NAV2: variants seen among roughly 807,000 people sequenced by gnomAD.
The protein encoded by NAV2 is neuron navigator 2, also known as helicase, APC down-regulated 1.
Under a neutral mutation model 223.2 loss-of-function variants are expected in NAV2, and 54 were observed. That is an observed-to-expected ratio of 0.24 (90% CI 0.19 to 0.30). The LOEUF (loss-of-function observed/expected upper bound fraction) is 0.30, where lower values mean the gene tolerates loss of function less well. Ranked by LOEUF, NAV2 falls within the 10% of genes least tolerant of loss-of-function variation. The pLI, the probability that NAV2 is intolerant of heterozygous loss-of-function variation, is 1.00. For missense variants in NAV2, 2,806 were observed against 3,147.5 expected (o/e 0.89, Z 2.60); for synonymous variants, 1,279 against 1,239.3 (o/e 1.03, Z -0.67).
At chr11:19,412,280 C>T (rs1442430493) in intron 1 of NAV2, among the ~76,000 whole-genome samples, 4 of 152,154 alleles carry the variant, frequency 2.6e-5, no homozygotes, top group Non-Finnish European at 5.9e-5. Context: ...AGGCGGTTTT[C>T]CCCTCACAGT....
intron 1 of NAV2, among the ~76,000 whole-genome samples, chr11:19,380,906 T>C (rs1277797018): frequency 6.6e-6 from 1 of 152,218 alleles, no homozygotes; most frequent in Non-Finnish European, 1.5e-5. Context: ...CAAACCAGGC[T>C]GAGCTTTCCA....
At chr11:19,685,337 C>G (rs1312870523) in intron 1 of NAV2, among the ~76,000 whole-genome samples, 1 of 152,128 alleles carries the variant, frequency 6.6e-6, no homozygotes, top group Non-Finnish European at 1.5e-5. Flanking sequence ...GAAGAAGCCT[C>G]GAAGACTTCC....
chr11:20,118,339 C>A lies in NAV2; in HGVS notation c.*81C>A. 5 of 1,501,464 alleles carry A rather than the reference C, an allele frequency of 3.3e-6. No homozygotes were observed. The South Asian group carries it at 4.7e-5, about 14-fold the overall frequency. 93.0% of individuals were successfully genotyped at this position (1,501,464 alleles called of 1,614,324 possible). A position where few individuals can be genotyped will look rare whatever the true frequency, so the allele number is the denominator to read the frequency against. On this transcript the variant is annotated 3_prime_UTR_variant, in exon 38 of 38. Transcript: ENST00000349880. ...CCCCACATCACCCTGAAGATGACTT[C>A]CTGAGCCAGCCCCCAGCCACAGCCT...
chr11:20,045,727 T>C, intron 14 of NAV2, 57 bp downstream of exon 14: 1 of 1,393,374 alleles, frequency 7.2e-7, no homozygotes, highest in Non-Finnish European at 9.9e-7. Context: ...ATGGATTTAG[T>C]AATTTCCTGT....
intron 3 of NAV2, among the ~76,000 whole-genome samples, chr11:19,849,588 C>G (rs1010803764): frequency 3.9e-5 from 6 of 152,230 alleles, no homozygotes; most frequent in Non-Finnish European, 5.9e-5. Flanking sequence ...GCCCAGTGAC[C>G]TTGAGCCCTC....
chr11:19,794,289 C>T (rs985199962), intron 1 of NAV2, among the ~76,000 whole-genome samples: 1 of 152,172 alleles, frequency 6.6e-6, no homozygotes, highest in African/African-American at 2.4e-5. Context: ...CCTCCTCCCC[C>T]TCAACTGTTG....
chr11:20,054,601 C>T (rs2058248621), intron 18 of NAV2, among the ~76,000 whole-genome samples: 1 of 152,082 alleles, frequency 6.6e-6, no homozygotes, highest in Non-Finnish European at 1.5e-5. Context: ...AACATGTTAT[C>T]CCATTCTTAA....
At chr11:20,005,301 A>G (rs921713635) in intron 11 of NAV2, among the ~76,000 whole-genome samples, 1 of 148,190 alleles carries the variant, frequency 6.7e-6, no homozygotes, top group Non-Finnish European at 1.5e-5. Flanking sequence ...CCCAGGCTGG[A>G]GTACAGTGGC....
intron 1 of NAV2, among the ~76,000 whole-genome samples, chr11:19,548,989 T>G (rs1355994332): frequency 6.6e-6 from 1 of 152,048 alleles, no homozygotes; most frequent in Admixed American, 6.5e-5. Context: ...TTGTCTGACC[T>G]GGGGTTACAG....
chr11:19,435,185 A>T (rs943551152), intron 1 of NAV2, among the ~76,000 whole-genome samples: 1 of 152,134 alleles, frequency 6.6e-6, no homozygotes, highest in Non-Finnish European at 1.5e-5. Context: ...TATCTAACTG[A>T]AACTATATCC....
At chr11:19,982,825 A>G (rs1373099981) in intron 10 of NAV2, among the ~76,000 whole-genome samples, 2 of 152,190 alleles carry the variant, frequency 1.3e-5, no homozygotes, top group East Asian at 1.9e-4. Flanking sequence ...TGTTCTTGAA[A>G]AATATATCCT....
intron 1 of NAV2, among the ~76,000 whole-genome samples, chr11:19,447,470 G>A (rs570338270): frequency 2.0e-5 from 3 of 152,286 alleles, no homozygotes; most frequent in Non-Finnish European, 2.9e-5. Flanking sequence ...CAGGACAAAC[G>A]TGCTTAACCT....
At chr11:19,914,995 C>G (rs1174390280) in intron 6 of NAV2, among the ~76,000 whole-genome samples, 4 of 152,190 alleles carry the variant, frequency 2.6e-5, no homozygotes, top group Non-Finnish European at 5.9e-5. Context: ...CTCCCCTTCT[C>G]TCCTCTTTTT....
intron 1 of NAV2, among the ~76,000 whole-genome samples, chr11:19,691,075 T>C (rs189026014): frequency 1.3e-5 from 2 of 152,348 alleles, no homozygotes; most frequent in African/African-American, 4.8e-5. Flanking sequence ...ATGTAGGCTT[T>C]GCTACAGTAG....
chr11:19,589,506 G>A (rs559440010), intron 1 of NAV2, among the ~76,000 whole-genome samples: 16 of 152,300 alleles, frequency 1.1e-4, no homozygotes, highest in African/African-American at 3.8e-4. Context: ...GGAGGAGTAC[G>A]CCAGGCTGAC....
At chr11:19,952,890 C>T (rs1249969407) in intron 10 of NAV2, among the ~76,000 whole-genome samples, 2 of 152,090 alleles carry the variant, frequency 1.3e-5, no homozygotes, top group African/African-American at 4.8e-5. Context: ...TATATTGTGC[C>T]TGGTATATAC....
At chr11:19,824,633 TA>T (rs1250280186) in intron 1 of NAV2, among the ~76,000 whole-genome samples, 1 of 152,080 alleles carries the variant, frequency 6.6e-6, no homozygotes. Flanking sequence ...GGGGCTACAT[TA>T]AAAGGAGGAT....
At chr11:19,742,763 G>C (rs914945313) in intron 1 of NAV2, among the ~76,000 whole-genome samples, 2 of 152,208 alleles carry the variant, frequency 1.3e-5, no homozygotes, top group Non-Finnish European at 2.9e-5. Context: ...CCTTGTCCAA[G>C]CCAGTCCACA....
At chr11:19,606,729 C>T (rs2046484008) in intron 1 of NAV2, among the ~76,000 whole-genome samples, 1 of 152,226 alleles carries the variant, frequency 6.6e-6, no homozygotes, top group African/African-American at 2.4e-5. Flanking sequence ...GATATGACAC[C>T]CAGAACATCA....
Sources: gnomAD v4.1 joint callset for allele counts (sites outside exome capture counted in the v4.1 genomes callset) on GRCh38, gnomAD v4.1.1 for gene constraint, MANE v1.5 for transcripts, NCBI Gene and HGNC (gene_info 2026-07-23, HGNC 2026-07-21) for gene names.